CRPPA: variants seen among roughly 807,000 people sequenced by gnomAD.
CRPPA encodes the protein CDP-L-ribitol pyrophosphorylase A.
In CRPPA, 43 loss-of-function variants were observed where a neutral mutation model predicts 52.0. The observed-to-expected ratio is 0.83, with a 90% CI of 0.65 to 1.07. The LOEUF (loss-of-function observed/expected upper bound fraction) is 1.07. CRPPA is among the 50% of genes least tolerant of loss of function. The pLI, the probability that CRPPA is intolerant of heterozygous loss-of-function variation, is 0.00. For synonymous variants in CRPPA, 250 were observed against 203.5 expected (o/e 1.23, Z -1.94); for missense variants, 629 against 551.7 (o/e 1.14, Z -1.40).
At chr7:16,408,436 C>T (rs915847042) in intron 1 of CRPPA, among the ~76,000 whole-genome samples, 3 of 152,152 alleles carry the variant, frequency 2.0e-5, no homozygotes, top group East Asian at 1.9e-4. Context: ...TGGGAGGAAG[C>T]GGAGCTGGAG....
chr7:16,093,118 T>C (rs1781868510), intron 9 of CRPPA, among the ~76,000 whole-genome samples: 1 of 152,198 alleles, frequency 6.6e-6, no homozygotes, highest in East Asian at 1.9e-4. Flanking sequence ...TTATAGTCTT[T>C]TTTAGTTGAC....
At chr7:16,351,013 A>G (rs963894278) in intron 3 of CRPPA, among the ~76,000 whole-genome samples, 1 of 152,198 alleles carries the variant, frequency 6.6e-6, no homozygotes, top group Admixed American at 6.5e-5. Flanking sequence ...CGACAATTAC[A>G]TAGTGATAAA....
chr7:16,404,913 T>C (rs1351929531), intron 2 of CRPPA, among the ~76,000 whole-genome samples: 2 of 152,202 alleles, frequency 1.3e-5, no homozygotes, highest in East Asian at 3.8e-4. Context: ...TTAAATACCA[T>C]TTATCCTTTT....
intron 9 of CRPPA, among the ~76,000 whole-genome samples, chr7:16,122,713 C>T (rs1384382427): frequency 6.6e-6 from 1 of 152,014 alleles, no homozygotes; most frequent in Non-Finnish European, 1.5e-5. Flanking sequence ...GTAGCTTACA[C>T]TGACATTATT....
intron 2 of CRPPA, among the ~76,000 whole-genome samples, chr7:16,399,122 G>C (rs28490390): frequency 6.6e-6 from 1 of 152,200 alleles, no homozygotes; most frequent in Non-Finnish European, 1.5e-5. Context: ...GGGTCAGCAC[G>C]TGACATTTCA....
At chr7:16,239,232 G>A (rs1562577685) in intron 8 of CRPPA, among the ~76,000 whole-genome samples, 2 of 148,128 alleles carry the variant, frequency 1.4e-5, no homozygotes. Context: ...AAAACATTAA[G>A]TAACTTGGAC....
chr7:16,097,121 C>T (rs922763118), intron 9 of CRPPA, among the ~76,000 whole-genome samples: 14 of 151,980 alleles, frequency 9.2e-5, no homozygotes, highest in African/African-American at 3.1e-4. Context: ...AAAATCTATA[C>T]AAAGAAAACC....
intron 5 of CRPPA, among the ~76,000 whole-genome samples, chr7:16,298,724 T>A (rs1162924214): frequency 6.6e-6 from 1 of 152,210 alleles, no homozygotes; most frequent in African/African-American, 2.4e-5. Context: ...AGTGTGCCTA[T>A]GAGGGTGTTT....
At chr7:16,143,951 G>C (rs757783107) in intron 9 of CRPPA, among the ~76,000 whole-genome samples, 5 of 152,114 alleles carry the variant, frequency 3.3e-5, no homozygotes, top group Non-Finnish European at 5.9e-5. Flanking sequence ...ACAAGATGGG[G>C]GAACAGGAGG....
At chr7:16,269,544 T>C (rs1035013587) in intron 6 of CRPPA, 1 of 152,144 alleles carries the variant, frequency 6.6e-6, no homozygotes, top group Admixed American at 6.6e-5. Flanking sequence ...TACCCTCATA[T>C]ACTGAATAGT....
At chr7:16,116,658 C>G (rs1299125242) in intron 9 of CRPPA, among the ~76,000 whole-genome samples, 3 of 7,160 alleles carry the variant, frequency 4.2e-4, no homozygotes, top group African/African-American at 6.5e-4. Context: ...GAGACTCGGT[C>G]GAAAAAAAAA....
At chr7:16,197,640 A>C (rs1452127672) in intron 9 of CRPPA, among the ~76,000 whole-genome samples, 5 of 151,626 alleles carry the variant, frequency 3.3e-5, no homozygotes, top group Admixed American at 2.0e-4. Context: ...CTTTCATCTG[A>C]ATTTTATATA....
At chr7:16,246,576 T>C (rs188212311) in intron 8 of CRPPA, among the ~76,000 whole-genome samples, 2 of 152,210 alleles carry the variant, frequency 1.3e-5, no homozygotes, top group Non-Finnish European at 1.5e-5. Context: ...AAATAAGACA[T>C]GAAAATCTAA....
intron 3 of CRPPA, among the ~76,000 whole-genome samples, chr7:16,347,970 C>A (rs1786057638): frequency 6.6e-6 from 1 of 152,106 alleles, no homozygotes; most frequent in African/African-American, 2.4e-5. Flanking sequence ...GGGGCCTCAT[C>A]CTCTGAGAGC....
At chr7:16,312,087 T>C (rs1785045638) in intron 3 of CRPPA, among the ~76,000 whole-genome samples, 1 of 152,070 alleles carries the variant, frequency 6.6e-6, no homozygotes, top group African/African-American at 2.4e-5. Flanking sequence ...GCTTTCAATA[T>C]TGTGTTAGCT....
chr7:16,181,266 A>G (rs1195059705), intron 9 of CRPPA, among the ~76,000 whole-genome samples: 2 of 151,936 alleles, frequency 1.3e-5, no homozygotes, highest in African/African-American at 2.4e-5. Flanking sequence ...TTAGGAAAAA[A>G]ATTATATACT....
intron 1 of CRPPA, among the ~76,000 whole-genome samples, chr7:16,420,514 C>T (rs1446748257): frequency 6.6e-6 from 1 of 152,152 alleles, no homozygotes; most frequent in Non-Finnish European, 1.5e-5. Flanking sequence ...GGTATGACCT[C>T]AAATTCAGGC....
intron 8 of CRPPA, among the ~76,000 whole-genome samples, chr7:16,222,242 A>G (rs965743761): frequency 6.8e-6 from 1 of 146,624 alleles, no homozygotes; most frequent in African/African-American, 2.5e-5. Flanking sequence ...GGAATTGAAC[A>G]ATGAGATCAC....
intron 6 of CRPPA, among the ~76,000 whole-genome samples, chr7:16,271,575 G>A (rs943501541): frequency 6.6e-6 from 1 of 152,110 alleles, no homozygotes; most frequent in Admixed American, 6.5e-5. Flanking sequence ...TTCTTTCTGT[G>A]CCCCAATGAA....
Sources: allele counts gnomAD v4.1 joint callset (sites outside exome capture counted in the v4.1 genomes callset), GRCh38; gene constraint gnomAD v4.1.1; transcripts MANE v1.5; gene names NCBI Gene and HGNC (gene_info 2026-07-23, HGNC 2026-07-21).